Variants in TNXB observed in about 807,000 individuals in gnomAD.
TNXB encodes tenascin-X.
Under a neutral mutation model 340.5 loss-of-function variants are expected in TNXB, and 183 were observed. The observed-to-expected ratio is 0.54, with a 90% CI of 0.48 to 0.61. The LOEUF (loss-of-function observed/expected upper bound fraction) is 0.61. Ranked by LOEUF, TNXB falls within the 20% of genes least tolerant of loss-of-function variation. The pLI is 0.00. For synonymous variants in TNXB, 2,121 were observed against 2,314.5 expected (o/e 0.92, Z 2.40); for missense variants, 4,613 against 5,446.4 (o/e 0.85, Z 4.82).
chr6:32,094,160 T>C (rs1009752710), intron 4 of TNXB, among the ~76,000 whole-genome samples: 2 of 150,086 alleles, frequency 1.3e-5, no homozygotes, highest in African/African-American at 4.9e-5. Flanking sequence ...AAAAACTGGT[T>C]TGCATGTACT....
intron 24 of TNXB, 145 bp downstream of exon 24, chr6:32,055,706 T>C (rs977907009): frequency 1.6e-6 from 2 of 1,245,176 alleles, no homozygotes; most frequent in South Asian, 1.6e-5. Flanking sequence ...CCCAAACCTG[T>C]TGAACCCCAA....
At position 32,073,873 on chromosome 6, in the gene TNXB, C is replaced by G. The variant is rs1324724716; in HGVS notation, c.4455G>C (p.Val1485=). Residue 1485 remains valine, a synonymous_variant, in exon 12 of 44, where the codon GTG becomes GTC. Coordinates refer to ENST00000644971, the MANE Select transcript of TNXB (RefSeq NM_001365276.2). The surrounding 1 kb of genome is among the most constrained non-coding windows in gnomAD (Gnocchi z 4.6). The stretch of plus-strand genomic sequence containing the variant: ...AGGAGAGGCCCACAGAGTTGGGGGT[C>G]ACATCTGTCACTGTCAGCTCTCCTA... ...PRLGELTVTD[V]TPNSVGLSWT... The G allele has an allele frequency of 6.2e-7, 1 of 1,610,642 alleles. No homozygotes were observed. The highest frequency in any genetic ancestry group is 1.7e-5 in the Admixed American group (1 of 59,904).
At chr6:32,104,596 C>G (rs576544512) in intron 1 of TNXB, among the ~76,000 whole-genome samples, 1 of 152,126 alleles carries the variant, frequency 6.6e-6, no homozygotes, top group Admixed American at 6.6e-5. Flanking sequence ...AGCTTCCATC[C>G]GCCTCTTGCC....
rs757855203 is a variant in TNXB, at chr6:32,098,173, G to A, written c.26C>T (p.Thr9Ile). 6.4e-7 allele frequency: 1 copy of A among 1,552,492 alleles called. No homozygotes were observed. The highest frequency in any genetic ancestry group is 1.2e-5 in the South Asian group (1 of 83,890). The change falls in exon 2 of 44, where the codon ACC becomes ATC. Residue 9 changes from threonine (T) to isoleucine (I), a missense_variant. This residue lies in a region of TNXB where 4,327 missense variants were observed against 4,859.4 expected (regional missense o/e 0.89). Transcript: ENST00000644971. ...CAGCACCAGGAGAACCAGGCTGGAGGTTAGAGCATACTGGGCTGGCATCAT... is the reference window on the plus strand; with the variant it reads ...CAGCACCAGGAGAACCAGGCTGGAGATTAGAGCATACTGGGCTGGCATCAT... MMPAQYALTSSLVLLVLLS... is the reference protein window; with the variant it reads MMPAQYALISSLVLLVLLS...
Position 32,073,566 on chromosome 6 carries a change from A to G in TNXB, c.4681+81T>C, listed in dbSNP as rs1778896178. 3.0e-6 allele frequency: 4 copies of G among 1,342,694 alleles called. No homozygotes were observed. The highest frequency in any genetic ancestry group is 4.1e-6 in the Non-Finnish European group (4 of 975,612). The allele number at this position is 1,342,694 out of a possible 1,614,324, so 83.2% of individuals were successfully genotyped here. On this transcript the variant is annotated intron_variant, in intron 12 of 43. Coordinates refer to ENST00000644971, the MANE Select transcript of TNXB (RefSeq NM_001365276.2). This position sits in a 1 kb window ranked among gnomAD's most constrained non-coding sequence, Gnocchi z 4.6. ...CCCTCAGTGAGGGTGCGGTGGTACC[A>G]AGGCAGGGCTGGAAGAAGGGCCATG...
At chr6:32,086,413 T>TCC (rs1164532340) in intron 6 of TNXB, among the ~76,000 whole-genome samples, 2 of 152,164 alleles carry the variant, frequency 1.3e-5, no homozygotes, top group Admixed American at 1.3e-4. Context: ...GACTTCCATG[T>TCC]CCCTCCCCAC....
rs1777129814 is a variant in TNXB, at chr6:32,049,514, C to T, written c.9513G>A (p.Glu3171=). The change falls in exon 28 of 44, where the codon GAG becomes GAA. Residue 3171 remains glutamate, a synonymous_variant. Transcript: ENST00000644971. This position sits in a 1 kb window ranked among gnomAD's most constrained non-coding sequence, Gnocchi z 4.5. ...CAGGGGAGGATCCTGTCACTGTCAACTCCCCCAGGAGCGGCTCCTCAGGGG... is the reference window on the plus strand; with the variant it reads ...CAGGGGAGGATCCTGTCACTGTCAATTCCCCCAGGAGCGGCTCCTCAGGGG... The part of the protein sequence containing the change: ...PEAPEEPLLG[E]LTVTGSSPDS... The T allele has an allele frequency of 6.2e-7, 1 of 1,612,604 alleles. No homozygotes were observed. Among genetic ancestry groups the T allele is most frequent in the Non-Finnish European group, 8.5e-7 (1 of 1,179,854 alleles).
intron 11 of TNXB, among the ~76,000 whole-genome samples, 162 bp downstream of exon 11, chr6:32,078,871 T>C (rs1400704051): frequency 6.6e-6 from 1 of 152,184 alleles, no homozygotes; most frequent in Non-Finnish European, 1.5e-5. Flanking sequence ...CTCAGGGCCA[T>C]GAAAGCTGGT....
In TNXB at chr6:32,064,403, G is replaced by C. The variant is rs1778205946; in HGVS notation, c.6841+418C>G. ...AATTTTTGTATTTTTAGTAGAGATGGGGGTTTCATGATGTTGGCCAGGCTG... is the reference window on the plus strand; with the variant it reads ...AATTTTTGTATTTTTAGTAGAGATGCGGGTTTCATGATGTTGGCCAGGCTG... On this transcript the variant is annotated intron_variant, in intron 19 of 43. Coordinates refer to ENST00000644971, the MANE Select transcript of TNXB (RefSeq NM_001365276.2). The surrounding 1 kb of genome is among the most constrained non-coding windows in gnomAD (Gnocchi z 5.3). 6.6e-6 allele frequency among the ~76,000 whole-genome samples: 1 copy of C among 152,086 alleles called. No homozygotes were observed. Among genetic ancestry groups the C allele is most frequent in the Non-Finnish European group, 1.5e-5 (1 of 68,024 alleles).
At chr6:32,098,247 G>A in intron 1 of TNXB, 41 bp from the exon 2 acceptor site, 5 of 1,434,318 alleles carry the variant, frequency 3.5e-6, no homozygotes, top group Non-Finnish European at 4.6e-6. Flanking sequence ...GCTTCAAAAA[G>A]GAGACAAAAT....
intron 4 of TNXB, chr6:32,093,189 A>G: frequency 1.8e-6 from 1 of 542,972 alleles, no homozygotes; most frequent in Non-Finnish European, 3.3e-6. Context: ...AGCTATGTAA[A>G]TAATATATAC....
In TNXB at chr6:32,048,438, G is replaced by C. The variant is rs768943895; in HGVS notation, c.9970C>G (p.Arg3324Gly). Residue 3324 changes from arginine (R) to glycine (G), a missense_variant, in exon 29 of 44, where the codon CGC becomes GGC. Around this residue, in one of 7 missense-constraint regions of TNXB, gnomAD observed 4,327 missense variants for 4,859.4 expected, o/e 0.89. Transcript: ENST00000644971. ...CCAAAGAGCAGGAACTTGTACTTGC[G>C]GGCCGGGTCCAGCCCCGAGACGGCG... Reference protein sequence around the residue: ...AVAVSGLDPARKYKFLLFGLQ... With the variant: ...AVAVSGLDPAGKYKFLLFGLQ... 35 of 1,575,024 alleles carry C rather than the reference G, an allele frequency of 2.2e-5. No individual in the cohort carries two copies. Among genetic ancestry groups the C allele is most frequent in the Non-Finnish European group, 2.7e-5 (31 of 1,159,154 alleles).
Position 32,047,719 on chromosome 6 carries a change from T to C in TNXB, c.10324+15A>G. 4.4e-6 allele frequency: 7 copies of C among 1,573,924 alleles called. No homozygotes were observed. Among genetic ancestry groups the C allele is most frequent in the Non-Finnish European group, 6.1e-6 (7 of 1,156,950 alleles). ...AGGCAGCTCTGGAAAAGGTGGAGGC[T>C]GGACTGGGACTCACCTGTGGTGCTG... is the stretch of plus-strand genomic sequence containing the variant. On this transcript the variant is annotated intron_variant, in intron 30 of 43. Transcript: ENST00000644971. The surrounding 1 kb of genome is among the most constrained non-coding windows in gnomAD (Gnocchi z 6.2).
intron 6 of TNXB, 29 bp downstream of exon 6, chr6:32,088,756 G>A: frequency 6.5e-7 from 1 of 1,546,644 alleles, no homozygotes. Context: ...GGAAACCAGG[G>A]CCCTTCCCTA....
intron 1 of TNXB, among the ~76,000 whole-genome samples, chr6:32,107,918 G>A (rs1781058886): frequency 6.6e-6 from 1 of 152,176 alleles, no homozygotes; most frequent in Non-Finnish European, 1.5e-5. Flanking sequence ...GCTGGAACCA[G>A]GTAGGAAGGA....
rs1380130974 is a variant in TNXB, at chr6:32,052,320, G to A, written c.9115+350C>T. 4.6e-5 allele frequency among the ~76,000 whole-genome samples: 7 copies of A among 151,960 alleles called. No homozygotes were observed. The highest frequency in any genetic ancestry group is 4.8e-5 in the African/African-American group (2 of 41,366). Reference sequence around the variant, plus strand: ...GAAAAAATTAGCTGGGCGTGGTGGCGCACGCCTGTAGTCCCAGTTACTCAG... The same window carrying A: ...GAAAAAATTAGCTGGGCGTGGTGGCACACGCCTGTAGTCCCAGTTACTCAG... On this transcript the variant is annotated intron_variant, in intron 26 of 43. Coordinates refer to ENST00000644971, the MANE Select transcript of TNXB (RefSeq NM_001365276.2). This position sits in a 1 kb window ranked among gnomAD's most constrained non-coding sequence, Gnocchi z 4.7.
At position 32,062,714 on chromosome 6, in the gene TNXB, A is replaced by G. The variant is rs888984219; in HGVS notation, c.6842-231T>C. On this transcript the variant is annotated intron_variant, in intron 19 of 43. Transcript: ENST00000644971. The surrounding 1 kb of genome is among the most constrained non-coding windows in gnomAD (Gnocchi z 4.3). ...AGTGTGCAGGCCTGGGACCCTTAGG[A>G]GCTGCCAAGCAAATTTGTTTTGCAG... is the stretch of plus-strand genomic sequence containing the variant. Among the ~76,000 whole-genome samples the G allele has an allele frequency of 6.6e-6, 1 of 152,198 alleles. No individual in the cohort carries two copies. Among genetic ancestry groups the G allele is most frequent in the African/African-American group, 2.4e-5 (1 of 41,434 alleles).
At chr6:32,098,529 G>A (rs1352486126) in intron 1 of TNXB, among the ~76,000 whole-genome samples, 1 of 152,124 alleles carries the variant, frequency 6.6e-6, no homozygotes. Flanking sequence ...TGCCCAGGCT[G>A]GAGTGCAGTG....
chr6:32,100,017 T>G (rs545968202), intron 1 of TNXB, among the ~76,000 whole-genome samples: 1 of 149,274 alleles, frequency 6.7e-6, no homozygotes, highest in Non-Finnish European at 1.5e-5. Flanking sequence ...TAATTTGAGA[T>G]GAACCCAGGA....
Sources: gnomAD v4.1 joint callset for allele counts (sites outside exome capture counted in the v4.1 genomes callset) on GRCh38, gnomAD v4.1.1 for gene constraint, gnomAD v4.1.1 regional missense constraint, Gnocchi (gnomAD v3.1) non-coding constraint, MANE v1.5 for transcripts, NCBI Gene and HGNC (gene_info 2026-07-23, HGNC 2026-07-21) for gene names.